The following FRMD7 variants were observed in gnomAD, a reference collection of about 807,000 sequenced individuals.
FRMD7 encodes the protein FERM domain-containing protein 7.
A neutral mutation model predicts 44.1 loss-of-function variants in FRMD7; 14 were observed. That is an observed-to-expected ratio of 0.32 (90% CI 0.21 to 0.50). The LOEUF (loss-of-function observed/expected upper bound fraction) is 0.50. Among genes scored for constraint, FRMD7 ranks in the 20% least tolerant of loss-of-function variants. The pLI, the probability that FRMD7 is intolerant of heterozygous loss-of-function variation, is 0.99. For missense variants in FRMD7, 501 were observed against 522.3 expected (o/e 0.96, Z 0.40); for synonymous variants, 212 against 187.4 (o/e 1.13, Z -1.07).
At chrX:132,122,979 C>T (rs1929072536) in intron 1 of FRMD7, among the ~76,000 whole-genome samples, 1 of 111,528 alleles carries the variant, frequency 9.0e-6, no homozygotes, top group Non-Finnish European at 1.9e-5. Flanking sequence ...CCAGTCACTG[C>T]CATTTTCCTT....
At chrX:132,126,416 G>C (rs1261342729) in intron 1 of FRMD7, among the ~76,000 whole-genome samples, 2 of 111,593 alleles carry the variant, frequency 1.8e-5, no homozygotes, top group Non-Finnish European at 3.8e-5. Context: ...CTAGTTGCTG[G>C]AAGTGGCTCT....
chrX:132,084,011 T>C (rs893213040), intron 8 of FRMD7, among the ~76,000 whole-genome samples: 4 of 111,899 alleles, frequency 3.6e-5, no homozygotes, highest in Non-Finnish European at 5.6e-5. Context: ...CCCTTTACTA[T>C]GCAACCTTGC....
rs755898813 is a variant in FRMD7, at chrX:132,078,663, A to T, written c.1354T>A (p.Phe452Ile). ...TATATGCTCATGTGATTACCAGAAA[A>T]CTTACAGCTTGTTTGGAAGGAGCTT... ...SLSSFQTSCK[F>I]SGNHMSIYSG... Residue 452 changes from phenylalanine (F) to isoleucine (I), a missense_variant, in exon 12 of 12, where the codon TTT becomes ATT. Physicochemically the swap from Phe to Ile is conservative, Grantham distance 21 (BLOSUM62 0). Coordinates refer to ENST00000298542, the MANE Select transcript of FRMD7 (RefSeq NM_194277.3). The T allele has an allele frequency of 8.3e-7, 1 of 1,211,685 alleles. No homozygotes were observed. The highest frequency in any genetic ancestry group is 1.8e-5 in the South Asian group (1 of 56,966).
At chrX:132,127,298 T>C (rs1428812128) in intron 1 of FRMD7, among the ~76,000 whole-genome samples, 1 of 112,129 alleles carries the variant, frequency 8.9e-6, no homozygotes, top group Non-Finnish European at 1.9e-5. Flanking sequence ...ATCCTATTTT[T>C]CTCTCTCATA....
chrX:132,106,346 T>A (rs1157677718), intron 1 of FRMD7, among the ~76,000 whole-genome samples: 1 of 111,861 alleles, frequency 8.9e-6, no homozygotes, highest in African/African-American at 3.2e-5. Context: ...TTAAAAATAA[T>A]GACTATCATT....
rs184089624 is a variant in FRMD7, at chrX:132,077,045, A to T, written c.*827T>A. ...TTTTCCATCACACTTTATTACAATA[A>T]CATTCATTTCCTGGCCTGCATACAT... On this transcript the variant is annotated 3_prime_UTR_variant, in exon 12 of 12. Coordinates refer to ENST00000298542, the MANE Select transcript of FRMD7 (RefSeq NM_194277.3). 2.8e-3 allele frequency: 312 copies of T among 112,215 alleles called. No individual in the cohort carries two copies. Among genetic ancestry groups the T allele is most frequent in the African/African-American group, 9.5e-3 (295 of 30,933 alleles). The allele number at this position is 112,215 out of a possible 1,213,427, so 9.2% of individuals were successfully genotyped here.
Position 132,078,592 on chromosome X carries a change from G to A in FRMD7, c.1425C>T (p.Tyr475=), listed in dbSNP as rs766736966. 22 of 1,209,660 alleles carry A rather than the reference G, an allele frequency of 1.8e-5. No individual in the cohort carries two copies. The highest frequency in any genetic ancestry group is 3.0e-5 in the East Asian group (1 of 33,774). The change falls in exon 12 of 12, where the codon TAC becomes TAT. Residue 475 remains tyrosine (Y), a synonymous_variant. Coordinates refer to ENST00000298542, the MANE Select transcript of FRMD7 (RefSeq NM_194277.3). ...SKVRPAKQLT[Y]TDVPYIPCTG... is the part of the protein sequence containing the mutation. ...TACAAGGAATATAGGGCACATCCGT[G>A]TAAGTTAGCTGCTTTGCTGGACGCA... is the stretch of plus-strand genomic sequence containing the variant.
chrX:132,126,238 G>A (rs1569350569), intron 1 of FRMD7, among the ~76,000 whole-genome samples: 1 of 111,369 alleles, frequency 9.0e-6, no homozygotes. Flanking sequence ...TGCCTCTCTG[G>A]GTAACACCAT....
chrX:132,080,482 AC>A (rs1927772368), intron 9 of FRMD7, among the ~76,000 whole-genome samples: 1 of 112,238 alleles, frequency 8.9e-6, no homozygotes, highest in Non-Finnish European at 1.9e-5. Flanking sequence ...AGGCCTCTGA[AC>A]AGGGTTACAT....
At chrX:132,095,594 C>T (rs1350176285) in intron 4 of FRMD7, among the ~76,000 whole-genome samples, 1 of 111,983 alleles carries the variant, frequency 8.9e-6, no homozygotes, top group Non-Finnish European at 1.9e-5. Flanking sequence ...GGTGATTATT[C>T]AGTTTACAAA....
chrX:132,091,383 C>A (rs1928165087), intron 5 of FRMD7, among the ~76,000 whole-genome samples: 2 of 111,300 alleles, frequency 1.8e-5, no homozygotes, highest in African/African-American at 6.5e-5. Context: ...CCCAGGCATG[C>A]TCTCACCTCA....
intron 1 of FRMD7, among the ~76,000 whole-genome samples, chrX:132,126,061 TATC>T (rs975708967): frequency 2.1e-4 from 22 of 105,482 alleles, no homozygotes; most frequent in African/African-American, 7.7e-4. Flanking sequence ...TCACTACTGC[TATC>T]ATCATCATCA....
At position 132,081,355 on chromosome X, in the gene FRMD7, C is replaced by CA. The variant is rs774525232; in HGVS notation, c.905+1007dup. 6.1e-3 allele frequency among the ~76,000 whole-genome samples: 605 copies of CA among 99,610 alleles called. 3 individuals carry two copies. Among genetic ancestry groups the CA allele is most frequent in the African/African-American group, 0.023 (575 of 25,359 alleles). The allele number at this position is 99,610 out of a possible 115,157, so 86.5% of individuals were successfully genotyped here. Reference sequence around the variant, plus strand: ...TCAAAACAAAACAAAACAAAACAAACAACAACAACAAAAAAAAACACAAGA... The same window carrying CA: ...TCAAAACAAAACAAAACAAAACAAACAAACAACAACAAAAAAAAACACAAGA... On this transcript the variant is annotated intron_variant, in intron 9 of 11. Coordinates refer to ENST00000298542, the MANE Select transcript of FRMD7 (RefSeq NM_194277.3).
chrX:132,102,702 C>T (rs1418270643), intron 1 of FRMD7, among the ~76,000 whole-genome samples: 1 of 111,572 alleles, frequency 9.0e-6, no homozygotes, highest in East Asian at 2.8e-4. Flanking sequence ...CAAAGAAACA[C>T]TTCAGTCATG....
rs1211020396 is a variant in FRMD7 at position 132,122,011 on chromosome X, G to A, written c.57+5777C>T. 3.6e-5 allele frequency among the ~76,000 whole-genome samples: 4 copies of A among 111,685 alleles called. 1 individual carries two copies. Among genetic ancestry groups the A allele is most frequent in the Non-Finnish European group, 7.5e-5 (4 of 53,127 alleles). ...GCAGGGTAAATTAACCCTACAGGAAGCGCAGAAATGGGGGAGCACAGCTCT... is the reference window on the plus strand; with the variant it reads ...GCAGGGTAAATTAACCCTACAGGAAACGCAGAAATGGGGGAGCACAGCTCT... On this transcript the variant is annotated intron_variant, in intron 1 of 11. Coordinates refer to ENST00000298542, the MANE Select transcript of FRMD7 (RefSeq NM_194277.3).
Position 132,084,566 on chromosome X carries a change from G to T in FRMD7, c.665C>A (p.Thr222Asn). 2.6e-6 allele frequency: 3 copies of T among 1,154,316 alleles called. No individual in the cohort carries two copies. Among genetic ancestry groups the T allele is most frequent in the Non-Finnish European group, 3.6e-6 (3 of 843,115 alleles). ...CTTGCGGATTTTAGCCCAGTTAAAA[G>T]TATTGATCTTTGTATTTCCCTACAA... ...LVLRGNTKIN[T>N]FNWAKIRKLS... The change falls in exon 8 of 12, where the codon ACT (threonine) becomes AAT (asparagine). Residue 222 changes from threonine (T) to asparagine (N), a missense_variant. Transcript: ENST00000298542.
intron 7 of FRMD7, 91 bp downstream of exon 7, chrX:132,085,490 G>A (rs1349875092): frequency 1.2e-5 from 9 of 779,431 alleles, no homozygotes; most frequent in Non-Finnish European, 1.7e-5. Flanking sequence ...ATACTGAGGG[G>A]TGAGATCACC....
At chrX:132,081,190 G>A (rs778602094) in intron 9 of FRMD7, among the ~76,000 whole-genome samples, 7 of 111,305 alleles carry the variant, frequency 6.3e-5, no homozygotes, top group East Asian at 5.7e-4. Flanking sequence ...AAAATTAGCC[G>A]GGTGTGGTGG....
At chrX:132,094,704 C>T (rs1439623161) in intron 4 of FRMD7, among the ~76,000 whole-genome samples, 1 of 111,939 alleles carries the variant, frequency 8.9e-6, no homozygotes, top group Non-Finnish European at 1.9e-5. Flanking sequence ...GCCTCCTATC[C>T]AAAAGACTGT....
Sources: allele counts gnomAD v4.1 joint callset (sites outside exome capture counted in the v4.1 genomes callset), GRCh38; gene constraint gnomAD v4.1.1; transcripts MANE v1.5; gene names NCBI Gene and HGNC (gene_info 2026-07-23, HGNC 2026-07-21).